SAMTOR: variants seen among roughly 807,000 people sequenced by gnomAD.
SAMTOR encodes UPF0532 protein C7orf60.
the SAMTOR span, among the ~76,000 whole-genome samples, chr7:112,911,663 A>T: frequency 9.2e-5 from 14 of 152,154 alleles, no homozygotes; most frequent in East Asian, 3.9e-4. Context: ...TTATTTTTTT[A>T]AAATAGAGAA....
At chr7:112,915,205 C>G in the SAMTOR span, 3 of 1,217,890 alleles carry the variant, frequency 2.5e-6, no homozygotes, top group Non-Finnish European at 3.4e-6. Flanking sequence ...GCCATGCACT[C>G]CAGCCTGGGT....
the SAMTOR span, among the ~76,000 whole-genome samples, chr7:112,932,421 A>G: frequency 6.6e-6 from 1 of 152,216 alleles, no homozygotes; most frequent in African/African-American, 2.4e-5. Context: ...TACTCAATTT[A>G]AGAAGACATG....
At chr7:112,900,412 C>A in the SAMTOR span, among the ~76,000 whole-genome samples, 1 of 152,170 alleles carries the variant, frequency 6.6e-6, no homozygotes, top group South Asian at 2.1e-4. Context: ...GCCTACTCAC[C>A]CACAATAGAG....
the SAMTOR span, among the ~76,000 whole-genome samples, chr7:112,884,549 A>T: frequency 4.1e-4 from 63 of 152,322 alleles, no homozygotes; most frequent in African/African-American, 1.5e-3. Flanking sequence ...TCCGAAATCC[A>T]ATAGGGCAGT....
chr7:112,898,021 C>T, the SAMTOR span, among the ~76,000 whole-genome samples: 52 of 152,276 alleles, frequency 3.4e-4, 1 homozygote, highest in Non-Finnish European at 4.0e-4. Flanking sequence ...GAAATAACTA[C>T]GGGACTTTGC....
chr7:112,849,067 G>C, the SAMTOR span, among the ~76,000 whole-genome samples: 9 of 146,180 alleles, frequency 6.2e-5, no homozygotes, highest in Non-Finnish European at 1.4e-4. Flanking sequence ...AAAAAACAAA[G>C]AAAAAATTAT....
chr7:112,842,105 T>A, the SAMTOR span, among the ~76,000 whole-genome samples: 36 of 152,016 alleles, frequency 2.4e-4, no homozygotes, highest in Admixed American at 2.4e-3. Context: ...CTATAAGCAA[T>A]TTACATTTCC....
the SAMTOR span, among the ~76,000 whole-genome samples, chr7:112,874,864 G>A: frequency 0.011 from 1,658 of 152,142 alleles, 31 homozygotes; most frequent in African/African-American, 0.038. Context: ...CATAAAACCA[G>A]TCTGGTTCAA....
the SAMTOR span, among the ~76,000 whole-genome samples, chr7:112,904,351 T>C: frequency 2.2e-4 from 33 of 152,168 alleles, no homozygotes; most frequent in African/African-American, 6.7e-4. Context: ...AATTATACAA[T>C]TGCAATGCAA....
chr7:112,833,844 T>C, the SAMTOR span, among the ~76,000 whole-genome samples: 2 of 152,214 alleles, frequency 1.3e-5, no homozygotes, highest in Non-Finnish European at 2.9e-5. Flanking sequence ...GCATAAAATA[T>C]ACACTCAGTG....
the SAMTOR span, among the ~76,000 whole-genome samples, chr7:112,922,896 C>CT: frequency 7.0e-6 from 1 of 143,848 alleles, no homozygotes; most frequent in South Asian, 2.3e-4. Context: ...TCAGCCCCCC[C>CT]CCCCCGGGCC....
the SAMTOR span, among the ~76,000 whole-genome samples, chr7:112,917,258 C>T: frequency 1.9e-4 from 29 of 152,282 alleles, no homozygotes; most frequent in South Asian, 5.0e-3. Flanking sequence ...GACAAAACTT[C>T]CAGAGGAACG....
chr7:112,830,578 T>C, the SAMTOR span, among the ~76,000 whole-genome samples: 2 of 152,298 alleles, frequency 1.3e-5, no homozygotes, highest in Middle Eastern at 3.4e-3. Context: ...GAAGGGAAGA[T>C]AATCCATGCA....
the SAMTOR span, among the ~76,000 whole-genome samples, chr7:112,922,707 C>A: frequency 6.6e-6 from 1 of 150,952 alleles, no homozygotes; most frequent in African/African-American, 2.4e-5. Context: ...AAGTGAGGAG[C>A]CCCTCCGCCC....
At chr7:112,905,675 T>C in the SAMTOR span, among the ~76,000 whole-genome samples, 3 of 152,098 alleles carry the variant, frequency 2.0e-5, no homozygotes, top group Non-Finnish European at 4.4e-5. Context: ...AGAAAACACA[T>C]TTATTCTTCT....
chr7:112,829,284 G>C, the SAMTOR span, among the ~76,000 whole-genome samples: 1 of 151,802 alleles, frequency 6.6e-6, no homozygotes, highest in Non-Finnish European at 1.5e-5. Flanking sequence ...ACACATTATA[G>C]TATCTGTCTT....
chr7:112,821,677 A>G, the SAMTOR span: 19 of 1,422,864 alleles, frequency 1.3e-5, 1 homozygote, highest in Non-Finnish European at 1.7e-5. Flanking sequence ...AGTTCATGTT[A>G]GTATTTCCAA....
chr7:112,882,521 T>C, the SAMTOR span, among the ~76,000 whole-genome samples: 1 of 151,948 alleles, frequency 6.6e-6, no homozygotes. Context: ...AAACCCCATC[T>C]CTACTAAATA....
the SAMTOR span, among the ~76,000 whole-genome samples, chr7:112,880,818 A>G: frequency 6.6e-6 from 1 of 152,170 alleles, no homozygotes; most frequent in African/African-American, 2.4e-5. Flanking sequence ...AATACTTACA[A>G]TTTTGTATGT....
Sources: allele counts gnomAD v4.1 joint callset (sites outside exome capture counted in the v4.1 genomes callset), GRCh38; gene constraint gnomAD v4.1.1; transcripts MANE v1.5; gene names NCBI Gene and HGNC (gene_info 2026-07-23, HGNC 2026-07-21).